GRM8: variants seen among roughly 807,000 people sequenced by gnomAD.
The protein encoded by GRM8 is glutamate metabotropic receptor 8.
GRM8 carries 47 observed loss-of-function variants against 87.2 expected under a neutral mutation model. The observed-to-expected ratio is 0.54, with a 90% confidence interval of 0.43 to 0.69. The LOEUF (loss-of-function observed/expected upper bound fraction) is 0.69, where lower values mean the gene tolerates loss of function less well. Among genes scored for constraint, GRM8 ranks in the 30% least tolerant of loss-of-function variants. The pLI, the probability that GRM8 is intolerant of heterozygous loss-of-function variation, is 0.00. For synonymous variants in GRM8, 396 were observed against 404.5 expected, an observed-to-expected ratio of 0.98 and a Z score of 0.25; for missense variants, 1,019 against 1,139.2, an observed-to-expected ratio of 0.89 and a Z score of 1.52.
At chr7:127,062,476 T>A (rs189862275) in intron 3 of GRM8, among the ~76,000 whole-genome samples, 520 of 152,216 alleles carry the variant, frequency 3.4e-3, no homozygotes, top group Non-Finnish European at 5.9e-3. Context: ...AAAGCTGGGG[T>A]TCAGCTGGTG....
At chr7:127,019,181 T>C (rs535741232) in intron 3 of GRM8, among the ~76,000 whole-genome samples, 1 of 152,226 alleles carries the variant, frequency 6.6e-6, no homozygotes, top group South Asian at 2.1e-4. Flanking sequence ...ATACAATGAA[T>C]GTGTTACCTT....
intron 3 of GRM8, among the ~76,000 whole-genome samples, chr7:126,984,284 A>T (rs1452774179): frequency 6.6e-6 from 1 of 152,184 alleles, no homozygotes; most frequent in Non-Finnish European, 1.5e-5. Context: ...GTGATGGTTA[A>T]TATTGAGTGT....
At chr7:126,688,081 G>A (rs750050418) in intron 7 of GRM8, among the ~76,000 whole-genome samples, 13 of 152,020 alleles carry the variant, frequency 8.6e-5, no homozygotes, top group Non-Finnish European at 1.8e-4. Flanking sequence ...ATCACATTCT[G>A]TGTCTTTGTT....
intron 7 of GRM8, among the ~76,000 whole-genome samples, chr7:126,726,382 G>T (rs1345708574): frequency 6.6e-6 from 1 of 152,036 alleles, no homozygotes; most frequent in Admixed American, 6.6e-5. Flanking sequence ...CACTAATCCA[G>T]ACCCTTCACA....
At chr7:127,017,292 G>C (rs1330642234) in intron 3 of GRM8, among the ~76,000 whole-genome samples, 2 of 151,910 alleles carry the variant, frequency 1.3e-5, no homozygotes, top group Non-Finnish European at 2.9e-5. Flanking sequence ...ATTATTCCAT[G>C]AGTCATGAGC....
At chr7:126,906,061 G>A (rs1252833126) in intron 3 of GRM8, among the ~76,000 whole-genome samples, 1 of 152,146 alleles carries the variant, frequency 6.6e-6, no homozygotes, top group African/African-American at 2.4e-5. Context: ...GAAAGTATTA[G>A]GAGATGGGAC....
intron 9 of GRM8, among the ~76,000 whole-genome samples, chr7:126,487,177 G>C (rs1298122876): frequency 6.6e-6 from 1 of 151,788 alleles, no homozygotes; most frequent in African/African-American, 2.4e-5. Flanking sequence ...TTAGTTAGTG[G>C]CTTAATAGAA....
At chr7:126,843,847 T>C (rs1429948186) in intron 6 of GRM8, among the ~76,000 whole-genome samples, 1 of 152,220 alleles carries the variant, frequency 6.6e-6, no homozygotes, top group Non-Finnish European at 1.5e-5. Flanking sequence ...AGATAAAGAA[T>C]CATGAGCAGT....
intron 2 of GRM8, among the ~76,000 whole-genome samples, chr7:127,193,370 C>T (rs1795119923): frequency 6.6e-6 from 1 of 152,178 alleles, no homozygotes; most frequent in Non-Finnish European, 1.5e-5. Flanking sequence ...TTGACCCAAG[C>T]ATATGTTTCA....
chr7:126,910,678 T>C (rs1335394188), intron 3 of GRM8, among the ~76,000 whole-genome samples: 1 of 152,218 alleles, frequency 6.6e-6, no homozygotes, highest in Non-Finnish European at 1.5e-5. Context: ...GGCCTTAGTG[T>C]ATTCATCTGT....
intron 3 of GRM8, among the ~76,000 whole-genome samples, chr7:127,033,328 C>A (rs748611822): frequency 3.3e-5 from 5 of 151,852 alleles, no homozygotes; most frequent in South Asian, 4.1e-4. Flanking sequence ...TTCCATATTA[C>A]AAGCCTTACA....
chr7:127,060,919 T>C (rs1206500200), intron 3 of GRM8, among the ~76,000 whole-genome samples: 1 of 152,206 alleles, frequency 6.6e-6, no homozygotes, highest in African/African-American at 2.4e-5. Flanking sequence ...TTCCACATAT[T>C]TGCTTTTTCA....
In GRM8 at chr7:127,160,466, A is replaced by G. The variant is rs1439417916; in HGVS notation, c.511-53754T>C. On this transcript the variant is annotated intron_variant, in intron 2 of 10. Coordinates refer to ENST00000339582, the MANE Select transcript of GRM8 (RefSeq NM_000845.3). ...CCTCAGAAAATAATGGGTGAGGAAAAACAAAGAAGATTCCAGAGCAGAGCA... is the reference window on the plus strand; with the variant it reads ...CCTCAGAAAATAATGGGTGAGGAAAGACAAAGAAGATTCCAGAGCAGAGCA... Among the ~76,000 whole-genome samples the G allele has an allele frequency of 2.6e-5, 4 of 152,276 alleles. No homozygotes were observed. The East Asian group carries it at 7.7e-4, about 29-fold the overall frequency.
intron 3 of GRM8, among the ~76,000 whole-genome samples, chr7:127,069,864 T>C (rs972926945): frequency 2.6e-5 from 4 of 152,226 alleles, no homozygotes; most frequent in African/African-American, 9.6e-5. Flanking sequence ...AACCCACAAC[T>C]GGCAGGGATT....
chr7:126,994,745 T>A (rs1470463525), intron 3 of GRM8, among the ~76,000 whole-genome samples: 1 of 152,104 alleles, frequency 6.6e-6, no homozygotes, highest in Non-Finnish European at 1.5e-5. Flanking sequence ...CCAGGTAGAT[T>A]TCTAAGTTTT....
At chr7:126,646,009 T>C (rs899352638) in intron 7 of GRM8, among the ~76,000 whole-genome samples, 2 of 151,998 alleles carry the variant, frequency 1.3e-5, no homozygotes, top group Non-Finnish European at 2.9e-5. Context: ...TCCCTCTCTG[T>C]CTCTAGAGCT....
chr7:127,135,727 C>T (rs915941665), intron 2 of GRM8, among the ~76,000 whole-genome samples: 15 of 150,816 alleles, frequency 9.9e-5, no homozygotes, highest in African/African-American at 2.7e-4. Flanking sequence ...TATTTACATT[C>T]GCCTACAATC....
Position 126,759,057 on chromosome 7 carries a change from C to T in GRM8, c.1357+10808G>A, listed in dbSNP as rs187971853. ...GGATTACAGGTGCGCATCACCACGC[C>T]GGGCTAATTTTTGTATTTTTAGTAG... On this transcript the variant is annotated intron_variant, in intron 7 of 10. Transcript: ENST00000339582. Among the ~76,000 whole-genome samples, 80 of 151,994 alleles carry T rather than the reference C, an allele frequency of 5.3e-4. 1 individual carries two copies. The highest frequency in any genetic ancestry group is 1.6e-3 in the African/African-American group (66 of 41,468).
intron 3 of GRM8, among the ~76,000 whole-genome samples, chr7:126,974,656 C>A (rs752932728): frequency 6.6e-6 from 1 of 152,096 alleles, no homozygotes; most frequent in Non-Finnish European, 1.5e-5. Flanking sequence ...CTTGGCTGGC[C>A]ACAGTGGCTC....
Sources: gnomAD v4.1 joint callset for allele counts (sites outside exome capture counted in the v4.1 genomes callset) on GRCh38, gnomAD v4.1.1 for gene constraint, MANE v1.5 for transcripts, NCBI Gene and HGNC (gene_info 2026-07-23, HGNC 2026-07-21) for gene names.